The following NPSR1 variants were observed in gnomAD, a reference collection of about 807,000 sequenced individuals.
NPSR1 encodes neuropeptide S receptor.
NPSR1 carries 48 observed loss-of-function variants against 46.9 expected under a neutral mutation model. The ratio of observed to expected loss-of-function variants is 1.02; its 90% CI spans 0.81 to 1.30. NPSR1 has a LOEUF of 1.30. NPSR1 is among the 50% of genes most tolerant of loss of function. The probability of loss-of-function intolerance (pLI) is 0.00; values close to 1 mark genes in which losing one functional copy is unlikely to be tolerated. For synonymous variants in NPSR1, 176 were observed against 168.1 expected, an observed-to-expected ratio of 1.05 and a Z score of -0.36; for missense variants, 450 against 449.5, an observed-to-expected ratio of 1.00 and a Z score of -0.01.
At position 34,660,288 on chromosome 7, in the gene NPSR1, C is replaced by T. The variant is rs1465008708; in HGVS notation, c.147+1729C>T. ...GCTCAGATTCATTATTTGAGAGATA[C>T]GTGTATTGACTAAAACCCTGTGATT... On this transcript the variant is annotated intron_variant, in intron 1 of 8. Transcript: ENST00000360581. 2.1e-5 allele frequency: 9 copies of T among 438,332 alleles called. No homozygotes were observed. In the East Asian group the frequency reaches 4.9e-4, roughly 24 times the overall value. 27.2% of individuals were successfully genotyped at this position (438,332 alleles called of 1,614,324 possible).
In NPSR1 at chr7:34,827,397, G is replaced by C. The variant is rs746084583; in HGVS notation, c.479-4G>C. 1 of 1,613,724 alleles carries C rather than the reference G, an allele frequency of 6.2e-7. No individual in the cohort carries two copies. Among genetic ancestry groups the C allele is most frequent in the Admixed American group, 1.7e-5 (1 of 60,018 alleles). On this transcript the variant is annotated splice_polypyrimidine_tract_variant and splice_region_variant and intron_variant, in intron 4 of 8. Transcript: ENST00000360581. ...CCAGACATTCCTCTCTTTTCTTTGG[G>C]CAGAAAAGCAAGCCAGGGTCCTCAT...
chr7:34,873,460 T>C (rs1226945894), intron 8 of NPSR1, among the ~76,000 whole-genome samples: 1 of 151,796 alleles, frequency 6.6e-6, no homozygotes, highest in Non-Finnish European at 1.5e-5. Context: ...CTCATGATTC[T>C]GCAGGCTTTA....
At chr7:34,684,754 A>T (rs1183192992) in intron 2 of NPSR1, 70 bp downstream of exon 2, 3 of 1,272,258 alleles carry the variant, frequency 2.4e-6, no homozygotes, top group Non-Finnish European at 3.1e-6. Flanking sequence ...CTTTTAATGA[A>T]TTTTATCAAA....
intron 2 of NPSR1, among the ~76,000 whole-genome samples, chr7:34,748,590 C>T (rs746764960): frequency 1.3e-5 from 2 of 152,178 alleles, no homozygotes; most frequent in African/African-American, 2.4e-5. Flanking sequence ...CTGAGTCACT[C>T]CTGGGCCAAG....
chr7:34,840,165 T>C (rs1026243528), intron 6 of NPSR1, among the ~76,000 whole-genome samples: 1 of 152,008 alleles, frequency 6.6e-6, no homozygotes, highest in African/African-American at 2.4e-5. Flanking sequence ...CAAAATACTT[T>C]CCTACTTGAA....
chr7:34,861,654 C>T (rs201715216), intron 8 of NPSR1, among the ~76,000 whole-genome samples: 20 of 151,848 alleles, frequency 1.3e-4, no homozygotes, highest in South Asian at 2.1e-4. Context: ...GCTTAATGAA[C>T]GCACAGGTAA....
intron 2 of NPSR1, among the ~76,000 whole-genome samples, chr7:34,734,990 C>T (rs1221434958): frequency 1.3e-5 from 2 of 152,144 alleles, no homozygotes; most frequent in South Asian, 4.1e-4. Flanking sequence ...AGGCTTACAC[C>T]ACCCTTAGAG....
intron 2 of NPSR1, among the ~76,000 whole-genome samples, chr7:34,704,792 T>C (rs1794017505): frequency 6.6e-6 from 1 of 152,184 alleles, no homozygotes; most frequent in Non-Finnish European, 1.5e-5. Context: ...ATCGGATTGC[T>C]TAAGGGTGCA....
chr7:34,774,550 G>A (rs1476927292), intron 2 of NPSR1, among the ~76,000 whole-genome samples: 1 of 152,190 alleles, frequency 6.6e-6, no homozygotes, highest in Non-Finnish European at 1.5e-5. Context: ...TCTTGACCAA[G>A]GCTCAGCAAC....
In NPSR1 at chr7:34,827,453, C is replaced by T; in HGVS notation, c.531C>T (p.Phe177=). ...TCGCCTGGAGCCTGTCTTTTCTGTT[C>T]TCCATTCCCACCCTGATCATATTTG... The part of the protein sequence containing the change: ...IVIAWSLSFL[F]SIPTLIIFGK... Residue 177 remains phenylalanine, a synonymous_variant, in exon 5 of 9, where the codon TTC becomes TTT. Coordinates refer to ENST00000360581, the MANE Select transcript of NPSR1 (RefSeq NM_207172.2). 6.2e-7 allele frequency: 1 copy of T among 1,614,122 alleles called. No individual in the cohort carries two copies. Among genetic ancestry groups the T allele is most frequent in the Non-Finnish European group, 8.5e-7 (1 of 1,180,018 alleles).
intron 2 of NPSR1, among the ~76,000 whole-genome samples, chr7:34,747,834 C>T (rs1295791433): frequency 6.6e-6 from 1 of 152,306 alleles, no homozygotes; most frequent in South Asian, 2.1e-4. Flanking sequence ...TATACAACTA[C>T]AAACAAATAT....
rs1367715193 is a variant in NPSR1 at position 34,849,870 on chromosome 7, G to A, written c.*215G>A. 3.8e-6 allele frequency: 5 copies of A among 1,318,068 alleles called. No individual in the cohort carries two copies. The highest frequency in any genetic ancestry group is 1.8e-5 in the South Asian group (1 of 56,542). 81.6% of individuals were successfully genotyped at this position (1,318,068 alleles called of 1,614,324 possible). Reference sequence around the variant, plus strand: ...TATTCATGCCAGCCAGGAAGGAAACGCCTTCCTTCCCCACCATTCCCAGCC... The same window carrying A: ...TATTCATGCCAGCCAGGAAGGAAACACCTTCCTTCCCCACCATTCCCAGCC... On this transcript the variant is annotated 3_prime_UTR_variant, in exon 9 of 9. Transcript: ENST00000360581.
At chr7:34,687,521 T>A (rs1317870542) in intron 2 of NPSR1, among the ~76,000 whole-genome samples, 3 of 151,546 alleles carry the variant, frequency 2.0e-5, no homozygotes, top group African/African-American at 7.3e-5. Flanking sequence ...CAAGGTGGAG[T>A]GAGGGCAAGC....
intron 8 of NPSR1, chr7:34,871,369 A>G (rs749834596): frequency 2.0e-5 from 3 of 151,796 alleles, no homozygotes; most frequent in Admixed American, 6.5e-5. Context: ...ATCTCCCACT[A>G]GGCCCCATCT....
intron 2 of NPSR1, among the ~76,000 whole-genome samples, chr7:34,735,046 C>T (rs1784604521): frequency 6.6e-6 from 1 of 152,110 alleles, no homozygotes; most frequent in Admixed American, 6.5e-5. Context: ...TCTGGCCAGC[C>T]CTAGGTCATA....
intron 2 of NPSR1, among the ~76,000 whole-genome samples, chr7:34,689,093 G>A (rs548532921): frequency 6.6e-6 from 1 of 152,284 alleles, no homozygotes; most frequent in South Asian, 2.1e-4. Flanking sequence ...GAGAACTGTA[G>A]GAGAGCTTGC....
chr7:34,688,050 G>A (rs1218974970), intron 2 of NPSR1, among the ~76,000 whole-genome samples: 1 of 152,088 alleles, frequency 6.6e-6, no homozygotes, highest in Non-Finnish European at 1.5e-5. Flanking sequence ...AACATTCCAG[G>A]GTTTCCATTG....
chr7:34,824,969 T>A (rs1363989162), intron 4 of NPSR1, among the ~76,000 whole-genome samples: 1 of 151,990 alleles, frequency 6.6e-6, no homozygotes, highest in Non-Finnish European at 1.5e-5. Flanking sequence ...CCACGCCTGG[T>A]TTTTCTCTGT....
intron 5 of NPSR1, among the ~76,000 whole-genome samples, chr7:34,832,807 T>C (rs1386740260): frequency 6.6e-6 from 1 of 152,220 alleles, no homozygotes; most frequent in Non-Finnish European, 1.5e-5. Flanking sequence ...GCAATTGACA[T>C]AACCATTAAC....
Sources: gnomAD v4.1 joint callset for allele counts (sites outside exome capture counted in the v4.1 genomes callset) on GRCh38, gnomAD v4.1.1 for gene constraint, MANE v1.5 for transcripts, NCBI Gene and HGNC (gene_info 2026-07-23, HGNC 2026-07-21) for gene names.